ASXL2: variants seen among roughly 807,000 people sequenced by gnomAD.
ASXL2 encodes the protein ASXL transcriptional regulator 2.
A neutral mutation model predicts 122.0 loss-of-function variants in ASXL2; 23 were observed. The ratio of observed to expected loss-of-function variants is 0.19; its 90% CI spans 0.14 to 0.27. The LOEUF (loss-of-function observed/expected upper bound fraction) is 0.27, where lower values mean the gene tolerates loss of function less well. Among genes scored for constraint, ASXL2 ranks in the 10% least tolerant of loss-of-function variants. ASXL2 has a pLI of 1.00. For missense variants in ASXL2, 1,518 were observed against 1,713.8 expected, an observed-to-expected ratio of 0.89 and a Z score of 2.02; for synonymous variants, 650 against 637.0, an observed-to-expected ratio of 1.02 and a Z score of -0.31.
intron 5 of ASXL2, among the ~76,000 whole-genome samples, chr2:25,774,373 A>C (rs894098109): frequency 6.6e-6 from 1 of 152,192 alleles, no homozygotes; most frequent in Non-Finnish European, 1.5e-5. Flanking sequence ...GCCCACAGCT[A>C]TCTTTTTGTG....
intron 9 of ASXL2, among the ~76,000 whole-genome samples, chr2:25,757,448 C>T (rs1460100506): frequency 3.1e-4 from 45 of 147,230 alleles, no homozygotes; most frequent in Non-Finnish European, 5.7e-4. Context: ...AGCACCCTGG[C>T]TAACATGGTG....
intron 1 of ASXL2, among the ~76,000 whole-genome samples, chr2:25,873,654 CA>C (rs926592199): frequency 1.3e-5 from 2 of 149,218 alleles, no homozygotes; most frequent in East Asian, 2.0e-4. Context: ...AAAAAAAAAA[CA>C]AAAAAACTAC....
chr2:25,786,243 C>T lies in ASXL2; in HGVS notation c.403+13142G>A, dbSNP rs373591548. Among the ~76,000 whole-genome samples, 126 of 112,382 alleles carry T rather than the reference C, an allele frequency of 1.1e-3. 2 individuals are homozygous for T. Among genetic ancestry groups the T allele is most frequent in the African/African-American group, 2.0e-3 (53 of 26,210 alleles). The allele number at this position is 112,382 out of a possible 152,430, so 73.7% of individuals were successfully genotyped here. A position where few individuals can be genotyped will look rare whatever the true frequency, so the allele number is the denominator to read the frequency against. On this transcript the variant is annotated intron_variant, in intron 5 of 12. Transcript: ENST00000435504. ...AAACAACCTACTACTCCACATCATT[C>T]TTTTTTTTTTTTTTTTGAGATGGAG...
At chr2:25,770,455 G>A (rs555474547) in intron 6 of ASXL2, among the ~76,000 whole-genome samples, 1 of 152,218 alleles carries the variant, frequency 6.6e-6, no homozygotes, top group Non-Finnish European at 1.5e-5. Flanking sequence ...TATGTACAGT[G>A]TAATATTAAA....
chr2:25,817,095 C>A (rs1211468164), intron 3 of ASXL2, among the ~76,000 whole-genome samples: 1 of 152,032 alleles, frequency 6.6e-6, no homozygotes, highest in Non-Finnish European at 1.5e-5. Flanking sequence ...GCACTCCAGC[C>A]TGGTTGGCAG....
chr2:25,860,842 T>A (rs896068179), intron 1 of ASXL2, among the ~76,000 whole-genome samples: 3 of 152,010 alleles, frequency 2.0e-5, no homozygotes, highest in Admixed American at 1.3e-4. Context: ...CGAAATCCCA[T>A]CCCTACAAAA....
chr2:25,818,451 C>T (rs563446667), intron 3 of ASXL2, among the ~76,000 whole-genome samples: 3 of 152,276 alleles, frequency 2.0e-5, no homozygotes, highest in Admixed American at 2.0e-4. Context: ...GTAGAGGTTG[C>T]AGTAAGCCGA....
intron 2 of ASXL2, among the ~76,000 whole-genome samples, chr2:25,842,132 A>AG (rs1430773624): frequency 6.6e-6 from 1 of 151,954 alleles, no homozygotes; most frequent in Non-Finnish European, 1.5e-5. Context: ...AGAAAAAAAA[A>AG]AAAGAAAAGA....
chr2:25,822,276 G>A (rs138842884), intron 3 of ASXL2, among the ~76,000 whole-genome samples: 57 of 152,210 alleles, frequency 3.7e-4, no homozygotes, highest in Non-Finnish European at 6.6e-4. Context: ...GACCGGAGGG[G>A]CCGCTCTTTC....
chr2:25,822,944 G>A, intron 3 of ASXL2: 1 of 527,956 alleles, frequency 1.9e-6, no homozygotes, highest in Non-Finnish European at 3.8e-6. Context: ...TGCCAGATCG[G>A]GAGTAAGGAA....
At chr2:25,868,196 T>C (rs1254826770) in intron 1 of ASXL2, among the ~76,000 whole-genome samples, 2 of 152,270 alleles carry the variant, frequency 1.3e-5, no homozygotes, top group Admixed American at 1.3e-4. Flanking sequence ...TAAAATGTTG[T>C]GTACCATTTA....
chr2:25,818,245 A>T (rs2089261744), intron 3 of ASXL2, among the ~76,000 whole-genome samples: 1 of 152,262 alleles, frequency 6.6e-6, no homozygotes, highest in African/African-American at 2.4e-5. Flanking sequence ...GCAGTGGCTC[A>T]CGCCTGTAAT....
At chr2:25,838,513 A>G (rs2089539307) in intron 2 of ASXL2, among the ~76,000 whole-genome samples, 2 of 152,214 alleles carry the variant, frequency 1.3e-5, no homozygotes, top group Admixed American at 1.3e-4. Flanking sequence ...AAAATCCCAG[A>G]AACAGTTCCA....
intron 3 of ASXL2, among the ~76,000 whole-genome samples, chr2:25,822,073 T>C (rs757738087): frequency 1.3e-5 from 2 of 152,154 alleles, no homozygotes; most frequent in African/African-American, 2.4e-5. Context: ...ATACTAAAAA[T>C]TGAGTTGGCG....
intron 2 of ASXL2, chr2:25,845,165 G>T: frequency 3.3e-6 from 1 of 305,010 alleles, no homozygotes; most frequent in East Asian, 7.9e-5. Context: ...TATCACTAAT[G>T]ACCAAGTTTA....
chr2:25,772,729 CAAAAAAAA>C (rs70950119), intron 5 of ASXL2, among the ~76,000 whole-genome samples: 3 of 58,940 alleles, frequency 5.1e-5, no homozygotes, highest in Admixed American at 2.8e-4. Flanking sequence ...AACTTGGTCT[CAAAAAAAA>C]AAAAAAAAAA....
rs374467200 is a variant in ASXL2 at position 25,869,628 on chromosome 2, C to T, written c.57+8538G>A. Among the ~76,000 whole-genome samples the T allele has an allele frequency of 7.2e-5, 11 of 152,080 alleles. 1 individual carries two copies. In the East Asian group the frequency reaches 2.1e-3, roughly 30 times the overall value. ...CCTTAGGTCAGGAGTTCGAGACCAG[C>T]CTGACCAATATTCACCCATCTCTAC... On this transcript the variant is annotated intron_variant, in intron 1 of 12. Transcript: ENST00000435504.
chr2:25,768,428 C>T (rs969736561), intron 7 of ASXL2, among the ~76,000 whole-genome samples: 1 of 152,114 alleles, frequency 6.6e-6, no homozygotes, highest in Non-Finnish European at 1.5e-5. Context: ...CTCAGCTTCC[C>T]GAGTAGCTGG....
rs1319451619 is a variant in ASXL2 at position 25,841,060 on chromosome 2, G to A, written c.140+4421C>T. On this transcript the variant is annotated intron_variant, in intron 2 of 12. Coordinates refer to ENST00000435504, the MANE Select transcript of ASXL2 (RefSeq NM_018263.6). Reference sequence around the variant, plus strand: ...CGCCTGTTATCCCAGCACTTTGGGAGGCCAAGGCAGGAGGATCACCTGAGT... The same window carrying A: ...CGCCTGTTATCCCAGCACTTTGGGAAGCCAAGGCAGGAGGATCACCTGAGT... 5.3e-5 allele frequency among the ~76,000 whole-genome samples: 8 copies of A among 152,220 alleles called. No homozygotes were observed. The South Asian group carries it at 1.7e-3, about 31-fold the overall frequency.
Sources: allele counts gnomAD v4.1 joint callset (sites outside exome capture counted in the v4.1 genomes callset), GRCh38; gene constraint gnomAD v4.1.1; transcripts MANE v1.5; gene names NCBI Gene and HGNC (gene_info 2026-07-23, HGNC 2026-07-21).